COL13A1: variants seen among roughly 807,000 people sequenced by gnomAD.
COL13A1 encodes collagen type XIII alpha 1 chain.
A neutral mutation model predicts 130.9 loss-of-function variants in COL13A1; 89 were observed. The observed-to-expected ratio is 0.68, with a 90% CI of 0.57 to 0.81. The LOEUF (loss-of-function observed/expected upper bound fraction) is 0.81. COL13A1 is among the 30% of genes least tolerant of loss of function. The probability of loss-of-function intolerance (pLI) is 0.00; values close to 1 mark genes in which losing one functional copy is unlikely to be tolerated. For synonymous variants in COL13A1, 402 were observed against 341.6 expected (o/e 1.18, Z -1.95); for missense variants, 879 against 934.6 (o/e 0.94, Z 0.78).
rs558730890 is a variant in COL13A1 at position 69,809,733 on chromosome 10, G to A, written c.294+7016G>A. On this transcript the variant is annotated intron_variant, in intron 1 of 40. Transcript: ENST00000645393. ...TCCCAGAGGCAGTGTTTACTGAACT[G>A]CCTTGGCGTCAGGGCCGTGCCACCA... Among the ~76,000 whole-genome samples, 3 of 152,378 alleles carry A rather than the reference G, an allele frequency of 2.0e-5. No individual in the cohort carries two copies. In the South Asian group the frequency reaches 6.2e-4, roughly 32 times the overall value.
At chr10:69,829,196 T>G in intron 2 of COL13A1, 7 of 983,770 alleles carry the variant, frequency 7.1e-6, no homozygotes, top group Non-Finnish European at 6.0e-6. Context: ...TCCCACTCTG[T>G]CAATTTCCTC....
chr10:69,919,160 C>T, intron 20 of COL13A1, 72 bp downstream of exon 20: 1 of 1,594,932 alleles, frequency 6.3e-7, no homozygotes, highest in South Asian at 1.1e-5. Flanking sequence ...GGGGCTGCTG[C>T]TGTTTTGCTC....
intron 1 of COL13A1, among the ~76,000 whole-genome samples, chr10:69,821,171 T>C (rs1845982943): frequency 6.6e-6 from 1 of 152,186 alleles, no homozygotes; most frequent in Admixed American, 6.5e-5. Flanking sequence ...TTTCAGTTAG[T>C]TTTTCAAGAG....
At chr10:69,918,355 G>A (rs780371590) in intron 19 of COL13A1, 38 bp downstream of exon 19, 2 of 1,609,094 alleles carry the variant, frequency 1.2e-6, no homozygotes, top group African/African-American at 1.3e-5. Context: ...CAGGGACAGG[G>A]TGGGAGAGAA....
chr10:69,888,591 G>T (rs1259764729), intron 9 of COL13A1, among the ~76,000 whole-genome samples: 1 of 152,230 alleles, frequency 6.6e-6, no homozygotes, highest in East Asian at 1.9e-4. Flanking sequence ...GTGATTCTGG[G>T]TGGGGTGGGG....
intron 30 of COL13A1, chr10:69,931,353 A>T: frequency 2.6e-6 from 1 of 387,822 alleles, no homozygotes; most frequent in South Asian, 1.9e-5. Flanking sequence ...TGACACTGTG[A>T]CGAGGCTGCC....
At chr10:69,858,065 G>A (rs896285808) in intron 2 of COL13A1, among the ~76,000 whole-genome samples, 27 of 134,698 alleles carry the variant, frequency 2.0e-4, no homozygotes, top group Admixed American at 3.4e-4. Context: ...GCAGTGAGCC[G>A]AGATCGTGCC....
chr10:69,867,364 G>A (rs915406470), intron 2 of COL13A1, among the ~76,000 whole-genome samples: 8 of 152,226 alleles, frequency 5.3e-5, no homozygotes, highest in African/African-American at 1.9e-4. Flanking sequence ...GGCCCTCCCT[G>A]ACGTGCACAG....
At chr10:69,934,233 G>A (rs2066526744) in intron 31 of COL13A1, among the ~76,000 whole-genome samples, 1 of 152,178 alleles carries the variant, frequency 6.6e-6, no homozygotes, top group Non-Finnish European at 1.5e-5. Context: ...GTCCAGTTCT[G>A]TGAATGTTAA....
chr10:69,865,559 T>C (rs1343516117), intron 2 of COL13A1, among the ~76,000 whole-genome samples: 2 of 152,222 alleles, frequency 1.3e-5, no homozygotes, highest in African/African-American at 4.8e-5. Context: ...AGTCTTCTTT[T>C]ATAGCACCTG....
chr10:69,902,865 C>G lies in COL13A1; in HGVS notation c.858+10C>G. The G allele has an allele frequency of 6.6e-7, 1 of 1,504,186 alleles. No individual in the cohort carries two copies. The highest frequency in any genetic ancestry group is 1.3e-5 in the South Asian group (1 of 79,472). 93.2% of individuals were successfully genotyped at this position (1,504,186 alleles called of 1,614,324 possible). Reference sequence around the variant, plus strand: ...GCCTATGGGGCCACCTGTAAGTATTCCCTTCCTCTCTCCTTCAAGACTTAT... The same window carrying G: ...GCCTATGGGGCCACCTGTAAGTATTGCCTTCCTCTCTCCTTCAAGACTTAT... On this transcript the variant is annotated intron_variant, in intron 15 of 40. Coordinates refer to ENST00000645393, the MANE Select transcript of COL13A1 (RefSeq NM_001368882.1).
intron 2 of COL13A1, among the ~76,000 whole-genome samples, chr10:69,823,086 T>C (rs1251688165): frequency 2.0e-5 from 3 of 152,232 alleles, no homozygotes; most frequent in Non-Finnish European, 4.4e-5. Context: ...CCCTGACCTG[T>C]CTATTCTAGT....
At chr10:69,950,151 C>G (rs1489060385) in intron 38 of COL13A1, among the ~76,000 whole-genome samples, 2 of 152,088 alleles carry the variant, frequency 1.3e-5, no homozygotes, top group African/African-American at 4.8e-5. Context: ...TTCCCCTCCC[C>G]CTCACCAGCT....
chr10:69,904,436 T>A (rs1446482105), intron 15 of COL13A1, among the ~76,000 whole-genome samples: 2 of 152,190 alleles, frequency 1.3e-5, no homozygotes, highest in East Asian at 3.9e-4. Context: ...GCCAGCAGCC[T>A]TCCCTGGCCT....
intron 21 of COL13A1, among the ~76,000 whole-genome samples, chr10:69,920,670 C>T (rs915072524): frequency 2.6e-5 from 4 of 152,350 alleles, no homozygotes; most frequent in African/African-American, 9.6e-5. Context: ...AGAGGGCTCT[C>T]ACCAGAACCT....
In COL13A1 at chr10:69,802,440, C is replaced by T; in HGVS notation, c.17C>T (p.Thr6Ile). Residue 6 changes from threonine to isoleucine, a missense_variant, in exon 1 of 41, where the codon ACC becomes ATC. By Grantham distance (89) the Thr-to-Ile change is moderately conservative. Around this residue, in one of 3 missense-constraint regions of COL13A1, gnomAD observed 715 missense variants for 721.0 expected, o/e 0.99. Coordinates refer to ENST00000645393, the MANE Select transcript of COL13A1 (RefSeq NM_001368882.1). MVAER[T>I]HKAAATGARG... is the part of the protein sequence containing the mutation. ...CGCGAGAGGATGGTAGCGGAGCGCA[C>T]CCACAAAGCGGCAGCCACCGGTGCC... The T allele has an allele frequency of 6.7e-7, 1 of 1,502,044 alleles. No homozygotes were observed. 93.0% of individuals were successfully genotyped at this position (1,502,044 alleles called of 1,614,324 possible).
At chr10:69,842,932 C>G (rs1254511207) in intron 2 of COL13A1, among the ~76,000 whole-genome samples, 1 of 152,230 alleles carries the variant, frequency 6.6e-6, no homozygotes, top group South Asian at 2.1e-4. Flanking sequence ...CCGGTCTACA[C>G]TCGTGGAAGT....
intron 17 of COL13A1, among the ~76,000 whole-genome samples, chr10:69,912,054 G>A (rs1020790929): frequency 6.6e-6 from 1 of 152,164 alleles, no homozygotes; most frequent in African/African-American, 2.4e-5. Flanking sequence ...ATCCTAGTGG[G>A]GACCATTCGC....
At chr10:69,924,664 G>A (rs564713921) in intron 24 of COL13A1, among the ~76,000 whole-genome samples, 19 of 152,252 alleles carry the variant, frequency 1.2e-4, no homozygotes, top group South Asian at 1.0e-3. Context: ...TCCAATGGAG[G>A]CAACTGACTT....
Sources: allele counts gnomAD v4.1 joint callset (sites outside exome capture counted in the v4.1 genomes callset), GRCh38; gene constraint gnomAD v4.1.1; regional missense constraint gnomAD v4.1.1; transcripts MANE v1.5; gene names NCBI Gene and HGNC (gene_info 2026-07-23, HGNC 2026-07-21).